Variants in FBXL17 observed in about 807,000 individuals in gnomAD.
The protein encoded by FBXL17 is F-box and leucine rich repeat protein 17.
In FBXL17, 22 loss-of-function variants were observed where a neutral mutation model predicts 66.2. That is an observed-to-expected ratio of 0.33 (90% CI 0.24 to 0.47). FBXL17 has a LOEUF of 0.47. Ranked by LOEUF, FBXL17 falls within the 20% of genes least tolerant of loss-of-function variation. FBXL17 has a pLI of 1.00. For missense variants in FBXL17, 878 were observed against 948.2 expected (o/e 0.93, Z 0.97); for synonymous variants, 474 against 400.5 (o/e 1.18, Z -2.19).
At chr5:108,092,221 A>G (rs1242066094) in intron 6 of FBXL17, among the ~76,000 whole-genome samples, 1 of 152,178 alleles carries the variant, frequency 6.6e-6, no homozygotes, top group Admixed American at 6.6e-5. Flanking sequence ...AACGACCCTT[A>G]GCGATCCAGA....
At chr5:107,880,818 C>T (rs1748764025) in intron 8 of FBXL17, 1 of 1,358,010 alleles carries the variant, frequency 7.4e-7, no homozygotes, top group Non-Finnish European at 9.4e-7. Context: ...TCTACTTAAG[C>T]ACAAAATTCA....
chr5:107,935,068 GT>G (rs199500057), intron 7 of FBXL17, among the ~76,000 whole-genome samples: 10 of 148,848 alleles, frequency 6.7e-5, no homozygotes, highest in Non-Finnish European at 7.5e-5. Context: ...GGTATCTTTT[GT>G]TTTTTTTTTG....
chr5:108,328,333 TAAAC>T (rs1284609166), intron 4 of FBXL17, among the ~76,000 whole-genome samples: 5 of 151,882 alleles, frequency 3.3e-5, no homozygotes, highest in Non-Finnish European at 7.4e-5. Flanking sequence ...TTAAAAAAAA[TAAAC>T]AAAAACACTA....
At chr5:108,015,662 G>A (rs983802989) in intron 7 of FBXL17, among the ~76,000 whole-genome samples, 1 of 152,242 alleles carries the variant, frequency 6.6e-6, no homozygotes, top group Non-Finnish European at 1.5e-5. Context: ...AAGGGATACC[G>A]GGGTAACCCA....
At chr5:108,155,245 G>A (rs976019565) in intron 6 of FBXL17, among the ~76,000 whole-genome samples, 4 of 152,100 alleles carry the variant, frequency 2.6e-5, no homozygotes, top group Non-Finnish European at 4.4e-5. Context: ...GGCTGGGCGC[G>A]GTGCCTCACG....
chr5:107,989,521 C>A (rs762189763), intron 7 of FBXL17, among the ~76,000 whole-genome samples: 1 of 152,044 alleles, frequency 6.6e-6, no homozygotes, highest in Non-Finnish European at 1.5e-5. Flanking sequence ...ATGCACCATG[C>A]CTTCATCCAT....
intron 7 of FBXL17, among the ~76,000 whole-genome samples, chr5:108,019,250 G>A (rs141615961): frequency 1.2e-3 from 183 of 152,196 alleles, no homozygotes; most frequent in African/African-American, 4.3e-3. Flanking sequence ...ACTTCCCTAA[G>A]GTCAAAGAAC....
intron 4 of FBXL17, among the ~76,000 whole-genome samples, chr5:108,319,471 AC>A (rs569164903): frequency 3.0e-4 from 45 of 152,006 alleles, no homozygotes; most frequent in African/African-American, 1.0e-3. Context: ...TAACAAAAAA[AC>A]AATATTTTTC....
At chr5:107,954,078 A>T (rs759835979) in intron 7 of FBXL17, among the ~76,000 whole-genome samples, 2 of 152,214 alleles carry the variant, frequency 1.3e-5, no homozygotes, top group Non-Finnish European at 2.9e-5. Flanking sequence ...TTATTGGCTG[A>T]CATATCTCTA....
chr5:108,123,969 T>C (rs922001473), intron 6 of FBXL17, among the ~76,000 whole-genome samples: 4 of 152,116 alleles, frequency 2.6e-5, no homozygotes, highest in African/African-American at 7.2e-5. Context: ...AGCATTCTTT[T>C]TGAGAATATA....
intron 7 of FBXL17, among the ~76,000 whole-genome samples, chr5:107,918,886 G>A (rs1158831379): frequency 1.3e-5 from 2 of 152,116 alleles, no homozygotes; most frequent in Admixed American, 1.3e-4. Flanking sequence ...TGTAGATCCA[G>A]GGAAGCCATG....
intron 8 of FBXL17, chr5:107,880,373 T>C (rs1267324874): frequency 2.0e-6 from 2 of 985,910 alleles, no homozygotes; most frequent in African/African-American, 3.5e-5. Flanking sequence ...GTATAGATTT[T>C]TATTATCTGT....
chr5:107,973,843 TAAA>T (rs34972473), intron 7 of FBXL17, among the ~76,000 whole-genome samples: 1 of 139,298 alleles, frequency 7.2e-6, no homozygotes. Context: ...GGGGGTAATC[TAAA>T]AAAAAAAAAA....
intron 7 of FBXL17, among the ~76,000 whole-genome samples, chr5:108,019,038 C>T (rs1314554111): frequency 6.6e-6 from 1 of 152,106 alleles, no homozygotes; most frequent in African/African-American, 2.4e-5. Flanking sequence ...TAAACCTCTT[C>T]TAAGACTTAG....
chr5:108,291,832 G>A (rs1758124262), intron 4 of FBXL17, among the ~76,000 whole-genome samples: 1 of 152,098 alleles, frequency 6.6e-6, no homozygotes, highest in African/African-American at 2.4e-5. Context: ...CTTGAGTACT[G>A]CAAAAAACAT....
At chr5:108,236,580 C>G (rs558088166) in intron 4 of FBXL17, among the ~76,000 whole-genome samples, 104 of 151,276 alleles carry the variant, frequency 6.9e-4, no homozygotes, top group Non-Finnish European at 1.4e-3. Flanking sequence ...AAACAAAAAG[C>G]AAACAAACAA....
intron 6 of FBXL17, among the ~76,000 whole-genome samples, chr5:108,112,546 C>T (rs1291074244): frequency 3.9e-5 from 6 of 152,110 alleles, no homozygotes; most frequent in Admixed American, 1.3e-4. Flanking sequence ...ATATTCACAA[C>T]GTTGGTCATC....
chr5:107,925,639 G>C (rs572628544), intron 7 of FBXL17, among the ~76,000 whole-genome samples: 2 of 152,308 alleles, frequency 1.3e-5, no homozygotes, highest in South Asian at 2.1e-4. Context: ...ACAATCCTGA[G>C]GTGTGCTTTG....
intron 1 of FBXL17, among the ~76,000 whole-genome samples, chr5:108,376,131 C>G (rs1029909923): frequency 6.6e-6 from 1 of 152,152 alleles, no homozygotes; most frequent in Admixed American, 6.5e-5. Context: ...ACTTCCTCAA[C>G]CTGAGAAAGA....
Sources: gnomAD v4.1 joint callset for allele counts (sites outside exome capture counted in the v4.1 genomes callset) on GRCh38, gnomAD v4.1.1 for gene constraint, MANE v1.5 for transcripts, NCBI Gene and HGNC (gene_info 2026-07-23, HGNC 2026-07-21) for gene names.